Variants in FRY observed in about 807,000 individuals in gnomAD.
FRY encodes the protein FRY microtubule binding protein.
In FRY, 128 loss-of-function variants were observed where a neutral mutation model predicts 348.4. The ratio of observed to expected loss-of-function variants is 0.37; its 90% CI spans 0.32 to 0.43. The LOEUF (loss-of-function observed/expected upper bound fraction) is 0.43, where lower values mean the gene tolerates loss of function less well. Ranked by LOEUF, FRY falls within the 20% of genes least tolerant of loss-of-function variation. FRY has a pLI of 1.00. For synonymous variants in FRY, 1,370 were observed against 1,374.7 expected, an observed-to-expected ratio of 1.00 and a Z score of 0.08; for missense variants, 2,736 against 3,695.2, an observed-to-expected ratio of 0.74 and a Z score of 6.73.
intron 3 of FRY, among the ~76,000 whole-genome samples, chr13:32,110,122 A>G (rs570488178): frequency 3.3e-5 from 5 of 152,332 alleles, no homozygotes; most frequent in African/African-American, 1.2e-4. Flanking sequence ...GTGCATTTTC[A>G]TAGTCGATGG....
chr13:32,227,975 C>A (rs1029094738), intron 39 of FRY, among the ~76,000 whole-genome samples: 23 of 152,286 alleles, frequency 1.5e-4, no homozygotes, highest in African/African-American at 5.3e-4. Context: ...TGGTCTCGAT[C>A]TCCTGACCTT....
chr13:32,169,608 C>G (rs1287167958), intron 17 of FRY, among the ~76,000 whole-genome samples: 1 of 152,140 alleles, frequency 6.6e-6, no homozygotes, highest in African/African-American at 2.4e-5. Flanking sequence ...TGTTGTCTCC[C>G]TGAGTGGCCC....
chr13:32,196,763 A>G (rs746963402), intron 29 of FRY, among the ~76,000 whole-genome samples: 73 of 152,308 alleles, frequency 4.8e-4, no homozygotes, highest in Non-Finnish European at 8.8e-4. Context: ...TAATTTTGCA[A>G]AATTTTTCAT....
rs1886650239 is a variant in FRY at position 32,244,077 on chromosome 13, C to T, written c.6723C>T (p.Pro2241=). The part of the protein sequence containing the change: ...LEKGLPSVQQ[P]LLQVIYSLLS... The stretch of plus-strand genomic sequence containing the variant: ...AGGGCCTCCCTAGTGTGCAGCAGCC[C>T]CTGCTCCAGGTGATCTACAGTCTTC... Residue 2241 remains proline (P), a synonymous_variant, in exon 47 of 61, where the codon CCC becomes CCT. Transcript: ENST00000542859. The T allele has an allele frequency of 6.2e-7, 1 of 1,613,966 alleles. No homozygotes were observed. Among genetic ancestry groups the T allele is most frequent in the South Asian group, 1.1e-5 (1 of 91,084 alleles).
chr13:32,230,202 CT>C (rs1885832364), intron 40 of FRY, among the ~76,000 whole-genome samples: 1 of 152,148 alleles, frequency 6.6e-6, no homozygotes, highest in African/African-American at 2.4e-5. Context: ...GTTGTTTTTC[CT>C]GATCCTCTCT....
intron 1 of FRY, among the ~76,000 whole-genome samples, chr13:32,067,393 T>C (rs916710365): frequency 2.0e-5 from 3 of 151,924 alleles, no homozygotes; most frequent in Admixed American, 2.0e-4. Flanking sequence ...AGTTTACAGG[T>C]AGGAATAAAG....
intron 11 of FRY, among the ~76,000 whole-genome samples, chr13:32,143,825 T>C (rs1375629262): frequency 6.6e-6 from 1 of 152,186 alleles, no homozygotes; most frequent in Non-Finnish European, 1.5e-5. Flanking sequence ...GCAGGTACAG[T>C]GTTAAGTACC....
At chr13:32,268,410 G>A (rs1162427301) in intron 55 of FRY, among the ~76,000 whole-genome samples, 1 of 145,816 alleles carries the variant, frequency 6.9e-6, no homozygotes, top group African/African-American at 2.5e-5. Flanking sequence ...TGGAAGCTAC[G>A]AAGATGAGGT....
At position 32,176,666 on chromosome 13, in the gene FRY, C is replaced by G. The variant is rs571148311; in HGVS notation, c.2421+1034C>G. On this transcript the variant is annotated intron_variant, in intron 20 of 60. Coordinates refer to ENST00000542859, the MANE Select transcript of FRY (RefSeq NM_023037.3). ...TTGTTTAATGTACGTATCCTACTTG[C>G]CTACAGATAACACTTTATATTTTGT... Among the ~76,000 whole-genome samples the G allele has an allele frequency of 3.3e-5, 5 of 152,298 alleles. No homozygotes were observed. In the East Asian group the frequency reaches 9.6e-4, roughly 29 times the overall value.
chr13:32,231,364 T>C, intron 41 of FRY, 64 bp downstream of exon 41: 1 of 1,536,566 alleles, frequency 6.5e-7, no homozygotes, highest in Non-Finnish European at 9.0e-7. Flanking sequence ...ACTGTCTCTA[T>C]ATGATGATTA....
chr13:32,143,435 T>C (rs960707921), intron 11 of FRY, among the ~76,000 whole-genome samples: 1 of 152,158 alleles, frequency 6.6e-6, no homozygotes, highest in African/African-American at 2.4e-5. Context: ...AAAAATGTTC[T>C]TAAGAGTGAA....
At chr13:32,138,114 GT>G (rs1284313549) in intron 11 of FRY, among the ~76,000 whole-genome samples, 1 of 151,278 alleles carries the variant, frequency 6.6e-6, no homozygotes, top group African/African-American at 2.4e-5. Flanking sequence ...CCACTTTCAG[GT>G]TTGTTTTTTT....
chr13:32,264,859 G>A (rs1305544273), intron 53 of FRY, among the ~76,000 whole-genome samples: 1 of 152,188 alleles, frequency 6.6e-6, no homozygotes, highest in East Asian at 1.9e-4. Context: ...GCAGGCTCAG[G>A]GAAGGACTCT....
chr13:32,141,003 A>G (rs1397120683), intron 11 of FRY, among the ~76,000 whole-genome samples: 1 of 152,190 alleles, frequency 6.6e-6, no homozygotes, highest in Non-Finnish European at 1.5e-5. Flanking sequence ...TAGCTATTTT[A>G]ATTATTAATT....
intron 11 of FRY, among the ~76,000 whole-genome samples, chr13:32,145,986 C>T (rs1649382179): frequency 6.6e-6 from 1 of 152,158 alleles, no homozygotes; most frequent in South Asian, 2.1e-4. Context: ...GCCTATTCTC[C>T]TCATGAAAGG....
At chr13:32,195,712 C>G (rs1371497639) in intron 29 of FRY, among the ~76,000 whole-genome samples, 1 of 152,170 alleles carries the variant, frequency 6.6e-6, no homozygotes, top group Non-Finnish European at 1.5e-5. Flanking sequence ...TCAATAATAT[C>G]TCTAGTCACA....
At chr13:32,202,619 G>A in intron 31 of FRY, 92 bp downstream of exon 31, 2 of 1,147,402 alleles carry the variant, frequency 1.7e-6, no homozygotes, top group South Asian at 1.3e-5. Flanking sequence ...TCATTTCTTT[G>A]CTCTAAGTAA....
intron 17 of FRY, among the ~76,000 whole-genome samples, chr13:32,163,542 T>C (rs868728861): frequency 6.6e-6 from 1 of 152,206 alleles, no homozygotes; most frequent in Admixed American, 6.5e-5. Context: ...TTCAGTTAAA[T>C]TGAAGTAGAA....
chr13:32,150,694 A>C (rs2138144986), intron 14 of FRY, among the ~76,000 whole-genome samples: 1 of 152,330 alleles, frequency 6.6e-6, no homozygotes, highest in African/African-American at 2.4e-5. Flanking sequence ...GCACACCATA[A>C]AAATCAAATA....
Sources: gnomAD v4.1 joint callset for allele counts (sites outside exome capture counted in the v4.1 genomes callset) on GRCh38, gnomAD v4.1.1 for gene constraint, MANE v1.5 for transcripts, NCBI Gene and HGNC (gene_info 2026-07-23, HGNC 2026-07-21) for gene names.